FUT8: variants seen among roughly 807,000 people sequenced by gnomAD.
The protein encoded by FUT8 is fucosyltransferase 8.
In FUT8, 29 loss-of-function variants were observed where a neutral mutation model predicts 71.3. That is an observed-to-expected ratio of 0.41 (90% CI 0.30 to 0.55). FUT8 has a LOEUF of 0.55. FUT8 is among the 20% of genes least tolerant of loss of function. FUT8 has a pLI of 0.34. For synonymous variants in FUT8, 254 were observed against 239.3 expected, an observed-to-expected ratio of 1.06 and a Z score of -0.57; for missense variants, 544 against 702.1, an observed-to-expected ratio of 0.77 and a Z score of 2.55.
intron 3 of FUT8, among the ~76,000 whole-genome samples, chr14:65,579,761 A>G (rs1050548384): frequency 2.6e-5 from 4 of 152,144 alleles, no homozygotes; most frequent in African/African-American, 4.8e-5. Context: ...CTGCCTGTGC[A>G]GTTGTCCACA....
chr14:65,700,801 T>C (rs1381040887), intron 7 of FUT8, among the ~76,000 whole-genome samples: 1 of 152,222 alleles, frequency 6.6e-6, no homozygotes, highest in Non-Finnish European at 1.5e-5. Context: ...TTGAACATAC[T>C]GCCTCTCAGC....
rs574929461 is a variant in FUT8, at chr14:65,650,168, A to G, written c.598-19075A>G. On this transcript the variant is annotated intron_variant, in intron 6 of 10. Transcript: ENST00000673929. The stretch of plus-strand genomic sequence containing the variant: ...AAAAAAATTAGCCGGGCGTGGTGGC[A>G]CGCGCCTGTAATCCCAGCTACTCGG... Among the ~76,000 whole-genome samples, 78 of 151,918 alleles carry G rather than the reference A, an allele frequency of 5.1e-4. 1 individual carries two copies. Among genetic ancestry groups the G allele is most frequent in the East Asian group, 1.7e-3 (9 of 5,172 alleles).
At chr14:65,715,798 T>G (rs1895026022) in intron 7 of FUT8, among the ~76,000 whole-genome samples, 2 of 152,158 alleles carry the variant, frequency 1.3e-5, no homozygotes. Flanking sequence ...ATTTCTTGTT[T>G]TATTTCATTG....
At chr14:65,728,891 A>G (rs929541687) in intron 9 of FUT8, among the ~76,000 whole-genome samples, 4 of 152,184 alleles carry the variant, frequency 2.6e-5, no homozygotes, top group Admixed American at 1.3e-4. Flanking sequence ...TAACATGCCT[A>G]ATGATGTATT....
At chr14:65,642,634 C>CGTA (rs2042199492) in intron 6 of FUT8, among the ~76,000 whole-genome samples, 3 of 150,664 alleles carry the variant, frequency 2.0e-5, no homozygotes, top group Non-Finnish European at 4.4e-5. Context: ...ATCAATTGAC[C>CGTA]ATACATGTGT....
At chr14:65,474,457 A>AAAAAAAAAAAAAAAAAAAAAAAAAAAG (rs2066202414) in intron 2 of FUT8, among the ~76,000 whole-genome samples, 1 of 147,900 alleles carries the variant, frequency 6.8e-6, no homozygotes, top group African/African-American at 2.5e-5. Flanking sequence ...AAAAAAAAAA[A>AAAAAAAAAAAAAAAAAAAAAAAAAAAG]GCCAGGCGTG....
At chr14:65,716,755 G>A (rs1895081916) in intron 7 of FUT8, among the ~76,000 whole-genome samples, 1 of 151,986 alleles carries the variant, frequency 6.6e-6, no homozygotes, top group Non-Finnish European at 1.5e-5. Context: ...CTTTGGAGCT[G>A]TTGGGTACAC....
intron 7 of FUT8, among the ~76,000 whole-genome samples, chr14:65,686,297 T>A (rs1893282428): frequency 6.6e-6 from 1 of 152,250 alleles, no homozygotes; most frequent in Non-Finnish European, 1.5e-5. Context: ...ATTAAAATTT[T>A]AAATTTATTC....
chr14:65,544,996 C>T (rs1235642809), intron 2 of FUT8, among the ~76,000 whole-genome samples: 2 of 151,692 alleles, frequency 1.3e-5, no homozygotes, highest in Non-Finnish European at 2.9e-5. Flanking sequence ...CCCCTCCTCT[C>T]CTCTTTCTTC....
At chr14:65,583,810 G>A (rs1388251203) in intron 3 of FUT8, among the ~76,000 whole-genome samples, 2 of 152,176 alleles carry the variant, frequency 1.3e-5, no homozygotes, top group African/African-American at 4.8e-5. Flanking sequence ...TTGTTGTGTA[G>A]AATAGGCAAA....
intron 2 of FUT8, among the ~76,000 whole-genome samples, chr14:65,460,549 A>G (rs1594654749): frequency 6.6e-6 from 1 of 152,094 alleles, no homozygotes; most frequent in African/African-American, 2.4e-5. Context: ...TGTCTATGCT[A>G]TTGTTGTGAG....
intron 6 of FUT8, among the ~76,000 whole-genome samples, chr14:65,642,014 G>A (rs918449922): frequency 1.3e-5 from 2 of 151,940 alleles, no homozygotes; most frequent in African/African-American, 4.8e-5. Flanking sequence ...AGTGTCTTTT[G>A]AAAGGCAAAA....
At chr14:65,617,518 G>T (rs1889348513) in intron 5 of FUT8, among the ~76,000 whole-genome samples, 1 of 152,150 alleles carries the variant, frequency 6.6e-6, no homozygotes. Flanking sequence ...ATGGAATTTT[G>T]TGCTTGTGTT....
At chr14:65,656,945 T>C (rs1159356371) in intron 6 of FUT8, among the ~76,000 whole-genome samples, 1 of 152,116 alleles carries the variant, frequency 6.6e-6, no homozygotes, top group African/African-American at 2.4e-5. Context: ...AAACTGGATA[T>C]CCATATGCTC....
chr14:65,390,784 C>T, the FUT8 span, among the ~76,000 whole-genome samples: 12 of 145,558 alleles, frequency 8.2e-5, no homozygotes, highest in South Asian at 2.2e-3. Flanking sequence ...AGTGCAGTGG[C>T]GCCATCTCGG....
rs750452134 is a variant in FUT8, at chr14:65,742,415, C to G, written c.*5C>G. ...TATCCTGAGGCTGAGAAATAAAGCTCAGATGGAAGAGATAAACGACCAAAC... is the reference window on the plus strand; with the variant it reads ...TATCCTGAGGCTGAGAAATAAAGCTGAGATGGAAGAGATAAACGACCAAAC... On this transcript the variant is annotated 3_prime_UTR_variant, in exon 11 of 11. Transcript: ENST00000673929. The G allele has an allele frequency of 1.2e-6, 2 of 1,606,894 alleles. No homozygotes were observed. The highest frequency in any genetic ancestry group is 1.3e-5 in the African/African-American group (1 of 74,546).
chr14:65,429,939 T>C (rs1279294168), intron 1 of FUT8, among the ~76,000 whole-genome samples: 1 of 151,736 alleles, frequency 6.6e-6, no homozygotes, highest in Non-Finnish European at 1.5e-5. Flanking sequence ...CAAAGCTTTT[T>C]ATGAAATGTC....
intron 1 of FUT8, among the ~76,000 whole-genome samples, chr14:65,431,485 A>AT (rs892557777): frequency 3.3e-5 from 5 of 149,456 alleles, no homozygotes; most frequent in South Asian, 2.1e-4. Flanking sequence ...TTTTTTTGGT[A>AT]TTTTTTTTGT....
At chr14:65,372,711 C>T in the FUT8 span, among the ~76,000 whole-genome samples, 1 of 152,224 alleles carries the variant, frequency 6.6e-6, no homozygotes, top group East Asian at 1.9e-4. Flanking sequence ...GCCACTGTGC[C>T]CGGCCTCCTT....
Sources: gnomAD v4.1 joint callset for allele counts (sites outside exome capture counted in the v4.1 genomes callset) on GRCh38, gnomAD v4.1.1 for gene constraint, MANE v1.5 for transcripts, NCBI Gene and HGNC (gene_info 2026-07-23, HGNC 2026-07-21) for gene names.